FZD6: variants seen among roughly 807,000 people sequenced by gnomAD.
The protein encoded by FZD6 is frizzled-6.
Under a neutral mutation model 61.4 loss-of-function variants are expected in FZD6, and 49 were observed. The observed-to-expected ratio is 0.80, with a 90% CI of 0.63 to 1.01. The LOEUF (loss-of-function observed/expected upper bound fraction) is 1.01, where lower values mean the gene tolerates loss of function less well. FZD6 is among the 50% of genes least tolerant of loss of function. The pLI, the probability that FZD6 is intolerant of heterozygous loss-of-function variation, is 0.00. For missense variants in FZD6, 724 were observed against 848.2 expected (o/e 0.85, Z 1.82); for synonymous variants, 265 against 292.2 (o/e 0.91, Z 0.95).
At chr8:103,309,109 A>G (rs1444518022) in intron 2 of FZD6, among the ~76,000 whole-genome samples, 1 of 152,182 alleles carries the variant, frequency 6.6e-6, no homozygotes, top group Non-Finnish European at 1.5e-5. Context: ...CATCTGAAGG[A>G]CTTGTTAAAA....
chr8:103,309,502 G>A (rs1301531106), intron 2 of FZD6, among the ~76,000 whole-genome samples: 1 of 152,176 alleles, frequency 6.6e-6, no homozygotes, highest in East Asian at 1.9e-4. Context: ...TTCTAGTGGT[G>A]TTGCCAATCT....
Position 103,332,629 on chromosome 8 carries a change from G to C in FZD6, c.*1120G>C, listed in dbSNP as rs1263320256. On this transcript the variant is annotated 3_prime_UTR_variant, in exon 7 of 7. Transcript: ENST00000358755. ...AATATTAAGGAGTTTTCTTAATTTT[G>C]TTTCCTATTAAGTATTATTCTTTGG... is the stretch of plus-strand genomic sequence containing the variant. 1.3e-5 allele frequency: 2 copies of C among 152,440 alleles called. No individual in the cohort carries two copies. The highest frequency in any genetic ancestry group is 2.9e-5 in the Non-Finnish European group (2 of 67,966). The allele number at this position is 152,440 out of a possible 1,614,324, so 9.4% of individuals were successfully genotyped here.
At chr8:103,316,156 TA>T (rs1173830028) in intron 2 of FZD6, among the ~76,000 whole-genome samples, 5 of 152,238 alleles carry the variant, frequency 3.3e-5, no homozygotes, top group African/African-American at 1.2e-4. Flanking sequence ...TGATTACATT[TA>T]TTTTTTTAAT....
chr8:103,308,313 C>T (rs117116568), intron 2 of FZD6, among the ~76,000 whole-genome samples: 1 of 152,062 alleles, frequency 6.6e-6, no homozygotes, highest in African/African-American at 2.4e-5. Flanking sequence ...TGGAGAAGTC[C>T]AGTCACACAC....
At chr8:103,299,635 T>C (rs1366895541) in intron 1 of FZD6, among the ~76,000 whole-genome samples, 1 of 152,226 alleles carries the variant, frequency 6.6e-6, no homozygotes, top group East Asian at 1.9e-4. Flanking sequence ...CCTTAGATTG[T>C]ATGCTTATAT....
chr8:103,322,673 A>G (rs1385948419), intron 3 of FZD6, among the ~76,000 whole-genome samples: 1 of 152,176 alleles, frequency 6.6e-6, no homozygotes, highest in Non-Finnish European at 1.5e-5. Flanking sequence ...TAAATTGGGG[A>G]AAGAAACTGG....
At chr8:103,300,374 C>A in intron 2 of FZD6, 90 bp downstream of exon 2, 1 of 961,056 alleles carries the variant, frequency 1.0e-6, no homozygotes, top group East Asian at 2.4e-5. Flanking sequence ...TAAACAGAGC[C>A]GATTTCTTCA....
At chr8:103,299,527 C>T (rs538587995) in intron 1 of FZD6, among the ~76,000 whole-genome samples, 4 of 152,226 alleles carry the variant, frequency 2.6e-5, no homozygotes, top group Non-Finnish European at 5.9e-5. Context: ...CAAAAACTGA[C>T]TCTTCAGAGT....
At chr8:103,306,916 C>G (rs1297835493) in intron 2 of FZD6, among the ~76,000 whole-genome samples, 1 of 152,108 alleles carries the variant, frequency 6.6e-6, no homozygotes, top group Non-Finnish European at 1.5e-5. Context: ...AGAAATATAG[C>G]TTTTCTCACT....
intron 2 of FZD6, among the ~76,000 whole-genome samples, chr8:103,315,954 T>C (rs1814613769): frequency 6.6e-6 from 1 of 152,206 alleles, no homozygotes; most frequent in Non-Finnish European, 1.5e-5. Context: ...CTCTGTTGGT[T>C]ATAGATTAAT....
intron 1 of FZD6, among the ~76,000 whole-genome samples, chr8:103,299,314 G>A (rs1248033833): frequency 6.6e-6 from 1 of 152,218 alleles, no homozygotes. Context: ...TTCGTAATCC[G>A]GGGCCTACAG....
chr8:103,319,491 G>A (rs1245071525), intron 3 of FZD6, among the ~76,000 whole-genome samples: 3 of 152,028 alleles, frequency 2.0e-5, no homozygotes, highest in African/African-American at 7.2e-5. Context: ...TGGCACCTGT[G>A]TCAGTCTCCT....
intron 3 of FZD6, among the ~76,000 whole-genome samples, chr8:103,321,836 T>C (rs1487644354): frequency 3.3e-5 from 5 of 152,212 alleles, no homozygotes; most frequent in Non-Finnish European, 7.3e-5. Context: ...ATGACGCTCC[T>C]TCTTTTCATT....
chr8:103,324,788 A>T lies in FZD6; in HGVS notation c.682A>T (p.Arg228Ter). Residue 228 changes from arginine to a stop codon, truncating the protein, a stop_gained, in exon 4 of 7, where the codon AGA becomes TGA. Coordinates refer to ENST00000358755, the MANE Select transcript of FZD6 (RefSeq NM_003506.4). LOFTEE classifies it high-confidence loss of function. Reference sequence around the variant, plus strand: ...TTTTTTAATTGATGTTAGAAGATTCAGATACCCAGAGAGACCAATTATATA... The same window carrying T: ...TTTTTTAATTGATGTTAGAAGATTCTGATACCCAGAGAGACCAATTATATA... ...LTFLIDVRRF[R>*]YPERPIIYYS... 6.2e-7 allele frequency: 1 copy of T among 1,612,834 alleles called. No homozygotes were observed. Among genetic ancestry groups the T allele is most frequent in the Non-Finnish European group, 8.5e-7 (1 of 1,178,822 alleles).
chr8:103,313,712 C>T (rs1475261858), intron 2 of FZD6, among the ~76,000 whole-genome samples: 1 of 151,308 alleles, frequency 6.6e-6, no homozygotes, highest in Non-Finnish European at 1.5e-5. Context: ...TGCAACTGAA[C>T]TTGGAAGTTG....
chr8:103,308,642 G>T (rs1022573155), intron 2 of FZD6, among the ~76,000 whole-genome samples: 1 of 152,166 alleles, frequency 6.6e-6, no homozygotes, highest in Non-Finnish European at 1.5e-5. Context: ...TTTAAGGAAA[G>T]AATTATAATA....
intron 2 of FZD6, among the ~76,000 whole-genome samples, chr8:103,313,931 C>T (rs1814564527): frequency 6.6e-6 from 1 of 152,206 alleles, no homozygotes; most frequent in Non-Finnish European, 1.5e-5. Flanking sequence ...CAATTCTATG[C>T]CCCCATTTCC....
At chr8:103,319,315 G>A (rs1485328525) in intron 3 of FZD6, among the ~76,000 whole-genome samples, 2 of 152,200 alleles carry the variant, frequency 1.3e-5, no homozygotes, top group Non-Finnish European at 2.9e-5. Context: ...TATAGCTGGA[G>A]TGATGAGAGT....
In FZD6 at chr8:103,329,889, A is replaced by G. The variant is rs1815072042; in HGVS notation, c.1776A>G (p.Ser592=). 2.5e-6 allele frequency: 4 copies of G among 1,614,010 alleles called. No homozygotes were observed. The highest frequency in any genetic ancestry group is 3.4e-6 in the Non-Finnish European group (4 of 1,180,022). The change falls in exon 6 of 7, where the codon TCA becomes TCG. Residue 592 remains serine (S), a synonymous_variant. Transcript: ENST00000358755. Reference sequence around the variant, plus strand: ...AAACTTTGACAGAAATCCAAACCTCACCAGAAACATCAATGAGAGAGGTGA... The same window carrying G: ...AAACTTTGACAGAAATCCAAACCTCGCCAGAAACATCAATGAGAGAGGTGA... The part of the protein sequence containing the change: ...GQETLTEIQT[S]PETSMREVKA...
Sources: gnomAD v4.1 joint callset for allele counts (sites outside exome capture counted in the v4.1 genomes callset) on GRCh38, gnomAD v4.1.1 for gene constraint, MANE v1.5 for transcripts, NCBI Gene and HGNC (gene_info 2026-07-23, HGNC 2026-07-21) for gene names.